Variants in TGM4 observed in about 807,000 individuals in gnomAD.
TGM4 encodes the protein protein-glutamine gamma-glutamyltransferase 4.
In TGM4, 61 loss-of-function variants were observed where a neutral mutation model predicts 76.3. That is an observed-to-expected ratio of 0.80 (90% CI 0.65 to 0.99). The LOEUF is 0.99. Among genes scored for constraint, TGM4 ranks in the 50% least tolerant of loss-of-function variants. The pLI is 0.00. For missense variants in TGM4, 794 were observed against 843.2 expected (o/e 0.94, Z 0.72); for synonymous variants, 337 against 329.8 (o/e 1.02, Z -0.24).
intron 2 of TGM4, 89 bp downstream of exon 2, chr3:44,885,587 G>A: frequency 7.1e-7 from 1 of 1,401,076 alleles, no homozygotes; most frequent in Non-Finnish European, 9.7e-7. Flanking sequence ...GTCAGTCTGA[G>A]CCAGGAGTGC....
intron 2 of TGM4, 76 bp downstream of exon 2, chr3:44,885,574 C>T (rs1179465208): frequency 6.6e-7 from 1 of 1,509,996 alleles, no homozygotes; most frequent in Non-Finnish European, 9.0e-7. Flanking sequence ...GTGGCCCTTT[C>T]TGGTCAGTCT....
intron 6 of TGM4, among the ~76,000 whole-genome samples, chr3:44,897,907 G>A (rs1376363335): frequency 6.6e-6 from 1 of 152,124 alleles, no homozygotes; most frequent in Admixed American, 6.6e-5. Flanking sequence ...AAGTCAGCTG[G>A]AATTTCATAT....
At chr3:44,900,941 C>T (rs1321547328) in intron 6 of TGM4, 2 of 153,426 alleles carry the variant, frequency 1.3e-5, no homozygotes, top group Non-Finnish European at 2.9e-5. Context: ...AGGTCATCCT[C>T]AAAACAACCT....
At chr3:44,901,464 C>A in intron 6 of TGM4, 60 bp from the exon 7 acceptor site, 1 of 1,520,480 alleles carries the variant, frequency 6.6e-7, no homozygotes, top group Non-Finnish European at 8.9e-7. Flanking sequence ...CCAAGCTGGG[C>A]TGGCAGCACC....
intron 8 of TGM4, among the ~76,000 whole-genome samples, chr3:44,902,552 A>G (rs1326726631): frequency 2.6e-5 from 4 of 152,174 alleles, no homozygotes; most frequent in Admixed American, 2.6e-4. Flanking sequence ...GTGAGCCGAG[A>G]TCGCACCACT....
chr3:44,882,908 A>AG (rs889231038), intron 1 of TGM4, among the ~76,000 whole-genome samples: 1 of 152,222 alleles, frequency 6.6e-6, no homozygotes, highest in African/African-American at 2.4e-5. Context: ...CTAGCCACCA[A>AG]GGGAGGGACT....
chr3:44,903,990 G>C lies in TGM4; in HGVS notation c.1075+3G>C. 6.2e-7 allele frequency: 1 copy of C among 1,613,440 alleles called. No individual in the cohort carries two copies. Among genetic ancestry groups the C allele is most frequent in the Non-Finnish European group, 8.5e-7 (1 of 1,179,888 alleles). ...AACGCCGCAGGAGCGAAGCCAGGGTGAGTGGGTGGCAGGAAGGCGCTGGGC... is the reference window on the plus strand; with the variant it reads ...AACGCCGCAGGAGCGAAGCCAGGGTCAGTGGGTGGCAGGAAGGCGCTGGGC... On this transcript the variant is annotated splice_donor_region_variant and intron_variant, in intron 9 of 13. Coordinates refer to ENST00000296125, the MANE Select transcript of TGM4 (RefSeq NM_003241.4).
chr3:44,875,070 A>T (rs1323416123), intron 1 of TGM4, among the ~76,000 whole-genome samples: 2 of 152,250 alleles, frequency 1.3e-5, no homozygotes, highest in East Asian at 3.8e-4. Flanking sequence ...ATATTACATT[A>T]TTAAATATTT....
chr3:44,875,752 C>G (rs566054752), intron 1 of TGM4, among the ~76,000 whole-genome samples: 2 of 152,314 alleles, frequency 1.3e-5, no homozygotes, highest in East Asian at 3.9e-4. Context: ...AGGGACTAAG[C>G]CAGACCCTCC....
In TGM4 at chr3:44,903,919, G is replaced by C. The variant is rs762948863; in HGVS notation, c.1007G>C (p.Arg336Pro). 3 of 1,614,028 alleles carry C rather than the reference G, an allele frequency of 1.9e-6. No individual in the cohort carries two copies. The highest frequency in any genetic ancestry group is 2.5e-6 in the Non-Finnish European group (3 of 1,180,044). Reference sequence around the variant, plus strand: ...GTGTGGACGGATGCCTGGATGAAGCGACCGGATCTGCCCAAGGGCTACGAC... The same window carrying C: ...GTGTGGACGGATGCCTGGATGAAGCCACCGGATCTGCCCAAGGGCTACGAC... ...FHVWTDAWMK[R>P]PDLPKGYDGW... Residue 336 changes from arginine to proline, a missense_variant, in exon 9 of 14, where the codon CGA becomes CCA. By Grantham distance (103) the Arg-to-Pro change is moderately radical (BLOSUM62 -2). Transcript: ENST00000296125.
At chr3:44,902,864 G>A (rs1486465149) in intron 8 of TGM4, among the ~76,000 whole-genome samples, 5 of 152,206 alleles carry the variant, frequency 3.3e-5, no homozygotes, top group Admixed American at 3.3e-4. Context: ...GGGAGAATGA[G>A]AAGTTGCAGA....
chr3:44,903,108 C>A (rs1255754947), intron 8 of TGM4, among the ~76,000 whole-genome samples: 1 of 152,190 alleles, frequency 6.6e-6, no homozygotes, highest in Non-Finnish European at 1.5e-5. Context: ...TGTGCAGGTC[C>A]ACTCATAGGC....
chr3:44,879,265 C>CTATATATATA (rs57611128), intron 1 of TGM4, among the ~76,000 whole-genome samples: 34 of 92,260 alleles, frequency 3.7e-4, no homozygotes, highest in South Asian at 1.2e-3. Context: ...CTCTCTCTCT[C>CTATATATATA]TATATATATA....
intron 10 of TGM4, among the ~76,000 whole-genome samples, chr3:44,908,054 T>C (rs894166919): frequency 1.3e-5 from 2 of 152,308 alleles, no homozygotes; most frequent in African/African-American, 2.4e-5. Flanking sequence ...CCACCCTCCA[T>C]TGCAGTATAG....
At chr3:44,902,313 G>T (rs1330823850) in intron 8 of TGM4, among the ~76,000 whole-genome samples, 1 of 152,158 alleles carries the variant, frequency 6.6e-6, no homozygotes, top group Admixed American at 6.5e-5. Context: ...GTTAAAAAAT[G>T]CAGATTCTTG....
At position 44,901,594 on chromosome 3, in the gene TGM4, C is replaced by T; in HGVS notation, c.728C>T (p.Pro243Leu). ...WTGDYEGGTA[P>L]YKWTGSAPIL... Reference sequence around the variant, plus strand: ...GGGGACTACGAAGGTGGCACAGCCCCATACAAGTGGACAGGCAGTGCCCCG... The same window carrying T: ...GGGGACTACGAAGGTGGCACAGCCCTATACAAGTGGACAGGCAGTGCCCCG... The change falls in exon 7 of 14, where the codon CCA (proline) becomes CTA (leucine). Residue 243 changes from proline to leucine, a missense_variant. Physicochemically the swap from Pro to Leu is moderately conservative, Grantham distance 98. Coordinates refer to ENST00000296125, the MANE Select transcript of TGM4 (RefSeq NM_003241.4). 6.2e-7 allele frequency: 1 copy of T among 1,614,100 alleles called. No individual in the cohort carries two copies. The highest frequency in any genetic ancestry group is 8.5e-7 in the Non-Finnish European group (1 of 1,179,990).
intron 5 of TGM4, among the ~76,000 whole-genome samples, chr3:44,895,689 T>G (rs1699770139): frequency 6.6e-6 from 1 of 152,160 alleles, no homozygotes. Context: ...ACCACAAAAC[T>G]CCCCCAGACT....
intron 2 of TGM4, 34 bp from the exon 3 acceptor site, chr3:44,887,655 G>C: frequency 6.3e-7 from 1 of 1,597,592 alleles, no homozygotes; most frequent in Non-Finnish European, 8.6e-7. Context: ...GGTGGCCCAT[G>C]GCTGGGCCAA....
intron 8 of TGM4, 122 bp from the exon 9 acceptor site, chr3:44,903,762 A>C: frequency 4.4e-6 from 4 of 903,830 alleles, no homozygotes; most frequent in Non-Finnish European, 7.2e-6. Flanking sequence ...AGGTTCCCAA[A>C]CCCCTGAGAA....
Sources: allele counts gnomAD v4.1 joint callset (sites outside exome capture counted in the v4.1 genomes callset), GRCh38; gene constraint gnomAD v4.1.1; transcripts MANE v1.5; gene names NCBI Gene and HGNC (gene_info 2026-07-23, HGNC 2026-07-21).